Variants in AGBL4 observed in about 807,000 individuals in gnomAD.
AGBL4 encodes the protein cytosolic carboxypeptidase 6.
Under a neutral mutation model 66.4 loss-of-function variants are expected in AGBL4, and 58 were observed. The ratio of observed to expected loss-of-function variants is 0.87; its 90% confidence interval spans 0.71 to 1.09. The LOEUF (loss-of-function observed/expected upper bound fraction) is 1.09, where lower values mean the gene tolerates loss of function less well. Ranked by LOEUF, AGBL4 falls within the 50% of genes least tolerant of loss-of-function variation. The probability of loss-of-function intolerance (pLI) is 0.00; values close to 1 mark genes in which losing one functional copy is unlikely to be tolerated. For synonymous variants in AGBL4, 234 were observed against 222.9 expected (o/e 1.05, Z -0.44); for missense variants, 579 against 631.0 (o/e 0.92, Z 0.88).
At chr1:49,654,560 G>C (rs1374576510) in intron 3 of AGBL4, among the ~76,000 whole-genome samples, 2 of 152,138 alleles carry the variant, frequency 1.3e-5, no homozygotes, top group African/African-American at 4.8e-5. Context: ...GGGAGTCTAA[G>C]TCTCTTTGTA....
chr1:49,591,755 A>G (rs1376910551), intron 3 of AGBL4, among the ~76,000 whole-genome samples: 11 of 152,172 alleles, frequency 7.2e-5, no homozygotes, highest in African/African-American at 2.4e-4. Context: ...GACCAATGGA[A>G]CAAAATAAGG....
At position 49,493,018 on chromosome 1, in the gene AGBL4, A is replaced by G. The variant is rs551636007; in HGVS notation, c.282+204295T>C. On this transcript the variant is annotated intron_variant, in intron 3 of 13. Coordinates refer to ENST00000371839, the MANE Select transcript of AGBL4 (RefSeq NM_032785.4). Reference sequence around the variant, plus strand: ...CAAGAAGAAGTGCCAAGCAAAAGAGAAAAAGCCCCTTATAACACCATCCGA... The same window carrying G: ...CAAGAAGAAGTGCCAAGCAAAAGAGGAAAAGCCCCTTATAACACCATCCGA... Among the ~76,000 whole-genome samples, 249 of 152,004 alleles carry G rather than the reference A, an allele frequency of 1.6e-3. 1 individual carries two copies. The highest frequency in any genetic ancestry group is 5.6e-3 in the African/African-American group (233 of 41,500).
chr1:48,786,798 G>A (rs184307706), intron 6 of AGBL4, among the ~76,000 whole-genome samples: 46 of 151,558 alleles, frequency 3.0e-4, no homozygotes, highest in Admixed American at 1.9e-3. Context: ...GAAGAGTGGA[G>A]GATTATCTGA....
chr1:49,910,251 G>A (rs1650684064), intron 1 of AGBL4, among the ~76,000 whole-genome samples: 1 of 152,172 alleles, frequency 6.6e-6, no homozygotes, highest in Non-Finnish European at 1.5e-5. Context: ...GGTCTCAGAA[G>A]CTAAGAGATG....
At chr1:48,536,480 T>C (rs188029511) in intron 12 of AGBL4, among the ~76,000 whole-genome samples, 3 of 152,356 alleles carry the variant, frequency 2.0e-5, no homozygotes, top group Admixed American at 6.5e-5. Context: ...TGAGTACTTA[T>C]ACACTTTTCA....
At chr1:48,812,578 T>C (rs1198356708) in intron 6 of AGBL4, among the ~76,000 whole-genome samples, 1 of 152,224 alleles carries the variant, frequency 6.6e-6, no homozygotes, top group Admixed American at 6.5e-5. Context: ...AAGGATTTCA[T>C]TTCTGGGAGA....
intron 1 of AGBL4, among the ~76,000 whole-genome samples, chr1:49,964,196 C>T (rs1202216581): frequency 6.6e-6 from 1 of 152,054 alleles, no homozygotes; most frequent in Non-Finnish European, 1.5e-5. Context: ...ATATCATCTA[C>T]ATATAATGTA....
chr1:48,985,397 A>T (rs1309688902), intron 5 of AGBL4, among the ~76,000 whole-genome samples: 1 of 152,140 alleles, frequency 6.6e-6, no homozygotes, highest in Non-Finnish European at 1.5e-5. Flanking sequence ...TATTCAGTAG[A>T]GTACTGATCA....
intron 2 of AGBL4, among the ~76,000 whole-genome samples, chr1:49,718,910 T>C (rs1047559453): frequency 1.3e-5 from 2 of 152,134 alleles, no homozygotes; most frequent in African/African-American, 4.8e-5. Context: ...GTTTGATGCA[T>C]TTCTTTCTCC....
At chr1:48,630,128 T>G (rs1188492757) in intron 9 of AGBL4, among the ~76,000 whole-genome samples, 1 of 152,162 alleles carries the variant, frequency 6.6e-6, no homozygotes, top group African/African-American at 2.4e-5. Flanking sequence ...GAGTGGAGAA[T>G]GAAACACTAT....
intron 2 of AGBL4, among the ~76,000 whole-genome samples, chr1:49,704,763 C>A (rs1647172181): frequency 6.6e-6 from 1 of 151,936 alleles, no homozygotes; most frequent in Non-Finnish European, 1.5e-5. Flanking sequence ...ATTTCTGAGG[C>A]CTCTGTTCTG....
At chr1:49,448,567 T>C (rs1005583860) in intron 3 of AGBL4, among the ~76,000 whole-genome samples, 1 of 152,098 alleles carries the variant, frequency 6.6e-6, no homozygotes, top group African/African-American at 2.4e-5. Flanking sequence ...CAAGGTCAAA[T>C]GGAAATCTCT....
At chr1:48,960,364 T>C (rs1387033696) in intron 5 of AGBL4, among the ~76,000 whole-genome samples, 1 of 152,200 alleles carries the variant, frequency 6.6e-6, no homozygotes, top group Non-Finnish European at 1.5e-5. Flanking sequence ...CTTCATATGC[T>C]TATCCAAGCC....
chr1:49,307,550 T>C (rs1057171245), intron 3 of AGBL4, among the ~76,000 whole-genome samples: 8 of 152,184 alleles, frequency 5.3e-5, no homozygotes, highest in African/African-American at 1.9e-4. Flanking sequence ...CATACTGTTT[T>C]ATTGTTTTAT....
At chr1:49,443,199 A>G (rs766088408) in intron 3 of AGBL4, among the ~76,000 whole-genome samples, 14 of 152,008 alleles carry the variant, frequency 9.2e-5, no homozygotes, top group Non-Finnish European at 1.9e-4. Context: ...TCATTTGCAA[A>G]TATTTTCTCC....
rs868827803 is a variant in AGBL4 at position 49,523,142 on chromosome 1, G to A, written c.282+174171C>T. 5.3e-5 allele frequency among the ~76,000 whole-genome samples: 8 copies of A among 151,922 alleles called. No homozygotes were observed. The South Asian group carries it at 6.2e-4, about 12-fold the overall frequency. On this transcript the variant is annotated intron_variant, in intron 3 of 13. Coordinates refer to ENST00000371839, the MANE Select transcript of AGBL4 (RefSeq NM_032785.4). Reference sequence around the variant, plus strand: ...TCATTCCATTAACTCCTGAGATCTGGGATTCAGCTATATTTTCATACGAAT... The same window carrying A: ...TCATTCCATTAACTCCTGAGATCTGAGATTCAGCTATATTTTCATACGAAT...
intron 1 of AGBL4, among the ~76,000 whole-genome samples, chr1:49,922,711 C>T (rs1488198743): frequency 6.6e-6 from 1 of 152,070 alleles, no homozygotes; most frequent in Non-Finnish European, 1.5e-5. Flanking sequence ...CTCACATTAA[C>T]AATTGCCACA....
intron 1 of AGBL4, among the ~76,000 whole-genome samples, chr1:49,859,175 A>C (rs1646504632): frequency 6.6e-6 from 1 of 152,220 alleles, no homozygotes; most frequent in East Asian, 1.9e-4. Context: ...TAACATCCCT[A>C]AAAGCCACTG....
At chr1:48,849,788 C>T (rs6588103) in intron 6 of AGBL4, among the ~76,000 whole-genome samples, 124,153 of 152,112 alleles carry the variant, frequency 0.82, 53,525 homozygotes, top group Non-Finnish European at 0.96. Flanking sequence ...GCCTGGCCAA[C>T]ATGGTGAAAC....
Sources: gnomAD v4.1 joint callset for allele counts (sites outside exome capture counted in the v4.1 genomes callset) on GRCh38, gnomAD v4.1.1 for gene constraint, MANE v1.5 for transcripts, NCBI Gene and HGNC (gene_info 2026-07-23, HGNC 2026-07-21) for gene names.